Variants in KLHL18 observed in about 807,000 individuals in gnomAD.
KLHL18 encodes the protein kelch like family member 18.
KLHL18 carries 38 observed loss-of-function variants against 58.5 expected under a neutral mutation model. The observed-to-expected ratio is 0.65, with a 90% CI of 0.50 to 0.85. The LOEUF (loss-of-function observed/expected upper bound fraction) is 0.85, where lower values mean the gene tolerates loss of function less well. Ranked by LOEUF, KLHL18 falls within the 40% of genes least tolerant of loss-of-function variation. The pLI, the probability that KLHL18 is intolerant of heterozygous loss-of-function variation, is 0.00. For missense variants in KLHL18, 624 were observed against 778.4 expected, an observed-to-expected ratio of 0.80 and a Z score of 2.36; for synonymous variants, 303 against 301.9, an observed-to-expected ratio of 1.00 and a Z score of -0.04.
At chr3:47,292,077 C>T (rs1702802160) in intron 1 of KLHL18, among the ~76,000 whole-genome samples, 2 of 152,122 alleles carry the variant, frequency 1.3e-5, no homozygotes, top group African/African-American at 4.8e-5. Context: ...GTGTTCAGGG[C>T]CTTGAAGGTA....
chr3:47,301,131 A>C (rs1169808772), intron 1 of KLHL18, among the ~76,000 whole-genome samples: 1 of 152,154 alleles, frequency 6.6e-6, no homozygotes, highest in Non-Finnish European at 1.5e-5. Context: ...AGATACAGAT[A>C]GATCTTTGTC....
Position 47,307,376 on chromosome 3 carries a change from A to G in KLHL18, c.130-12277A>G, listed in dbSNP as rs946355035. On this transcript the variant is annotated intron_variant, in intron 1 of 9. Coordinates refer to ENST00000232766, the MANE Select transcript of KLHL18 (RefSeq NM_025010.5). The stretch of plus-strand genomic sequence containing the variant: ...GCGTGAGCCACCACACCTGGCCTGG[A>G]CAGAAGTTCTTAATTTTACTGTAGT... Among the ~76,000 whole-genome samples the G allele has an allele frequency of 2.0e-5, 3 of 152,220 alleles. No individual in the cohort carries two copies. The South Asian group carries it at 6.2e-4, about 32-fold the overall frequency.
chr3:47,328,851 C>A (rs760932210), intron 3 of KLHL18, among the ~76,000 whole-genome samples: 3 of 152,104 alleles, frequency 2.0e-5, no homozygotes, highest in Non-Finnish European at 4.4e-5. Context: ...CCCGTGGAGT[C>A]TCTTTCTATC....
Position 47,313,253 on chromosome 3 carries a change from T to C in KLHL18, c.130-6400T>C, listed in dbSNP as rs139558212. Among the ~76,000 whole-genome samples, 1,019 of 150,362 alleles carry C rather than the reference T, an allele frequency of 6.8e-3. 13 individuals carry two copies. The highest frequency in any genetic ancestry group is 0.024 in the African/African-American group (973 of 40,780). The stretch of plus-strand genomic sequence containing the variant: ...TTTTAATAGAGAAAGGGTCTCACTT[T>C]GCTGCCCAGGCTGGAATGCAGTGGT... On this transcript the variant is annotated intron_variant, in intron 1 of 9. Coordinates refer to ENST00000232766, the MANE Select transcript of KLHL18 (RefSeq NM_025010.5).
intron 2 of KLHL18, among the ~76,000 whole-genome samples, chr3:47,321,987 C>CACATACA (rs1489320245): frequency 2.0e-5 from 3 of 152,020 alleles, no homozygotes; most frequent in Non-Finnish European, 4.4e-5. Context: ...TGGAGAGGGA[C>CACATACA]CAGAGCACAT....
At chr3:47,309,545 G>A (rs1321824337) in intron 1 of KLHL18, among the ~76,000 whole-genome samples, 2 of 151,680 alleles carry the variant, frequency 1.3e-5, no homozygotes, top group Non-Finnish European at 2.9e-5. Flanking sequence ...GGCTCCTCAC[G>A]TCCCAGATGA....
chr3:47,284,337 C>CTTTTTTTTTTT (rs767276527), intron 1 of KLHL18, among the ~76,000 whole-genome samples: 6 of 127,148 alleles, frequency 4.7e-5, no homozygotes, highest in Non-Finnish European at 9.7e-5. Context: ...TTTCTTTTTT[C>CTTTTTTTTTTT]TTTTTTTTTT....
At position 47,319,798 on chromosome 3, in the gene KLHL18, C is replaced by T. The variant is rs1246776867; in HGVS notation, c.260+15C>T. The T allele has an allele frequency of 2.5e-6, 4 of 1,611,654 alleles. No homozygotes were observed. The African/African-American group carries it at 5.3e-5, about 22-fold the overall frequency. ...ATGGACCCAAGGTACTGAATCCCACCATTAGGTTTCGCAGGCTGCTTTCCA... is the reference window on the plus strand; with the variant it reads ...ATGGACCCAAGGTACTGAATCCCACTATTAGGTTTCGCAGGCTGCTTTCCA... On this transcript the variant is annotated intron_variant, in intron 2 of 9. Coordinates refer to ENST00000232766, the MANE Select transcript of KLHL18 (RefSeq NM_025010.5).
intron 3 of KLHL18, among the ~76,000 whole-genome samples, chr3:47,324,083 A>C (rs905311139): frequency 1.3e-5 from 2 of 152,050 alleles, no homozygotes; most frequent in Admixed American, 6.6e-5. Flanking sequence ...GCAGTTTTAT[A>C]AAGACCTTGT....
At chr3:47,322,869 G>A (rs1188107074) in intron 3 of KLHL18, among the ~76,000 whole-genome samples, 161 bp downstream of exon 3, 1 of 152,152 alleles carries the variant, frequency 6.6e-6, no homozygotes, top group African/African-American at 2.4e-5. Context: ...GTTTGTAGCA[G>A]TGCCCACTTC....
chr3:47,295,539 C>T (rs1230811450), intron 1 of KLHL18, among the ~76,000 whole-genome samples: 1 of 149,696 alleles, frequency 6.7e-6, no homozygotes, highest in African/African-American at 2.6e-5. Context: ...CTTTTTCTTT[C>T]TTCCCTTGCT....
intron 4 of KLHL18, among the ~76,000 whole-genome samples, chr3:47,332,041 AG>A (rs1270409933): frequency 6.6e-6 from 1 of 152,104 alleles, no homozygotes; most frequent in African/African-American, 2.4e-5. Flanking sequence ...AGTGAGGATG[AG>A]GGACGAAGGT....
chr3:47,314,755 C>T (rs543809221), intron 1 of KLHL18, among the ~76,000 whole-genome samples: 1 of 152,312 alleles, frequency 6.6e-6, no homozygotes, highest in African/African-American at 2.4e-5. Context: ...CCTAAATTAC[C>T]TTTTCCAGAC....
At chr3:47,329,373 G>A (rs1052259862) in intron 3 of KLHL18, among the ~76,000 whole-genome samples, 5 of 151,934 alleles carry the variant, frequency 3.3e-5, no homozygotes, top group South Asian at 2.1e-4. Context: ...GACTACAGGC[G>A]CCCGCCACCA....
At chr3:47,309,297 C>T (rs886760003) in intron 1 of KLHL18, among the ~76,000 whole-genome samples, 12 of 151,954 alleles carry the variant, frequency 7.9e-5, no homozygotes, top group African/African-American at 1.2e-4. Context: ...ACCTCCCAGA[C>T]GGGGCGGCGG....
chr3:47,336,858 T>G, intron 7 of KLHL18, 101 bp downstream of exon 7: 1 of 951,264 alleles, frequency 1.1e-6, no homozygotes, highest in Non-Finnish European at 1.6e-6. Context: ...ATACAAGCTT[T>G]GGCCTGGGAG....
chr3:47,317,144 G>C (rs1468965152), intron 1 of KLHL18, among the ~76,000 whole-genome samples: 1 of 152,090 alleles, frequency 6.6e-6, no homozygotes, highest in East Asian at 1.9e-4. Flanking sequence ...ATGGAATCTC[G>C]TTCTTCTTGC....
At chr3:47,314,929 G>GC (rs1559494792) in intron 1 of KLHL18, among the ~76,000 whole-genome samples, 1 of 151,064 alleles carries the variant, frequency 6.6e-6, no homozygotes, top group Non-Finnish European at 1.5e-5. Flanking sequence ...TCTGTAGCTG[G>GC]TTTTTTTTTG....
Position 47,334,669 on chromosome 3 carries a change from C to T in KLHL18, c.762-14C>T. On this transcript the variant is annotated splice_polypyrimidine_tract_variant and intron_variant, in intron 5 of 9. Coordinates refer to ENST00000232766, the MANE Select transcript of KLHL18 (RefSeq NM_025010.5). The surrounding 1 kb of genome is among the most constrained non-coding windows in gnomAD (Gnocchi z 4.7). ...GGGATACCTCCTGTTCTAGCATCTT[C>T]CACCTTATTCTAGGGACCTGGTAGA... 1 of 1,614,004 alleles carries T rather than the reference C, an allele frequency of 6.2e-7. No individual in the cohort carries two copies. Among genetic ancestry groups the T allele is most frequent in the Non-Finnish European group, 8.5e-7 (1 of 1,179,906 alleles).
Sources: gnomAD v4.1 joint callset for allele counts (sites outside exome capture counted in the v4.1 genomes callset) on GRCh38, gnomAD v4.1.1 for gene constraint, Gnocchi (gnomAD v3.1) non-coding constraint, MANE v1.5 for transcripts, NCBI Gene and HGNC (gene_info 2026-07-23, HGNC 2026-07-21) for gene names.